The following ZNF91 variants were observed in gnomAD, a reference collection of about 807,000 sequenced individuals.
ZNF91 encodes zinc finger protein 91 (HPF7, HTF10).
Under a neutral mutation model 12.6 loss-of-function variants are expected in ZNF91, and 7 were observed. The observed-to-expected ratio is 0.55, with a 90% CI of 0.31 to 1.04. The LOEUF is 1.04. Ranked by LOEUF, ZNF91 falls within the 50% of genes least tolerant of loss-of-function variation. The pLI, the probability that ZNF91 is intolerant of heterozygous loss-of-function variation, is 0.05. For missense variants in ZNF91, 1,217 were observed against 1,385.4 expected (o/e 0.88, Z 1.93); for synonymous variants, 453 against 462.6 (o/e 0.98, Z 0.27).
At chr19:23,314,211 G>C (rs426564), upstream of ZNF91, among the ~76,000 whole-genome samples, 51,377 of 151,988 alleles carry the variant, frequency 0.34, 9,953 homozygotes, top group African/African-American at 0.54. Flanking sequence ...TAGATTCTGC[G>C]AACAGGGGGA....
intron 1 of ZNF91, among the ~76,000 whole-genome samples, chr19:23,317,883 T>C (rs1467377149): frequency 6.6e-6 from 1 of 152,202 alleles, no homozygotes; most frequent in African/African-American, 2.4e-5. Flanking sequence ...CTCCCATACT[T>C]AGAATTGGGT....
At chr19:23,340,949 T>G (rs1253305124) in intron 3 of ZNF91, among the ~76,000 whole-genome samples, 9 of 151,656 alleles carry the variant, frequency 5.9e-5, no homozygotes, top group African/African-American at 2.2e-4. Context: ...AGAATTCTAT[T>G]GACAATTGAG....
rs576328885 is a variant in ZNF91, at chr19:23,359,379, C to T, written c.*24G>A. On this transcript the variant is annotated 3_prime_UTR_variant, in exon 4 of 4. Transcript: ENST00000300619. ...CTGGGACTACAGGCGCCCGCCACCACGCCCGGCTAATTTTTTGTATTTTTT... is the reference window on the plus strand; with the variant it reads ...CTGGGACTACAGGCGCCCGCCACCATGCCCGGCTAATTTTTTGTATTTTTT... The T allele has an allele frequency of 7.7e-5, 63 of 820,890 alleles. No individual in the cohort carries two copies. Among genetic ancestry groups the T allele is most frequent in the South Asian group, 7.6e-4 (44 of 57,914 alleles). The allele number at this position is 820,890 out of a possible 1,614,324, so 50.9% of individuals were successfully genotyped here. A position where few individuals can be genotyped will look rare whatever the true frequency, so the allele number is the denominator to read the frequency against.
intron 1 of ZNF91, among the ~76,000 whole-genome samples, chr19:23,387,550 A>G (rs1034179750): frequency 1.3e-5 from 2 of 152,048 alleles, no homozygotes; most frequent in African/African-American, 4.8e-5. Context: ...AATCCCATCT[A>G]TAAAAATGCA....
intron 1 of ZNF91, chr19:23,323,860 T>C (rs1967778377): frequency 7.8e-6 from 1 of 128,526 alleles, no homozygotes; most frequent in African/African-American, 3.4e-5. Context: ...CTCCTCCTAT[T>C]CTTCTCCTCT....
chr19:23,374,079 A>G (rs904753379), intron 2 of ZNF91, among the ~76,000 whole-genome samples: 6 of 152,290 alleles, frequency 3.9e-5, no homozygotes, highest in African/African-American at 7.2e-5. Flanking sequence ...TGTGAGTAAC[A>G]GTATTTTATG....
At chr19:23,338,051 A>G (rs1374753754), downstream of ZNF91, 2 of 152,150 alleles carry the variant, frequency 1.3e-5, no homozygotes, top group Admixed American at 1.3e-4. Context: ...GAGGAAGAAA[A>G]AACATCAAAA....
intron 1 of ZNF91, among the ~76,000 whole-genome samples, chr19:23,323,449 TCTC>T (rs1262418783): frequency 3.3e-5 from 5 of 150,406 alleles, no homozygotes; most frequent in Non-Finnish European, 5.9e-5. Context: ...TTTCCTTTTT[TCTC>T]CTCTACTTCT....
chr19:23,368,393 T>TA (rs1969103880), intron 3 of ZNF91, among the ~76,000 whole-genome samples: 1 of 151,838 alleles, frequency 6.6e-6, no homozygotes, highest in East Asian at 2.0e-4. Context: ...CACGTGCCTG[T>TA]AGTCTCAGCT....
At chr19:23,373,528 T>G (rs1162857215) in intron 3 of ZNF91, among the ~76,000 whole-genome samples, 1 of 152,010 alleles carries the variant, frequency 6.6e-6, no homozygotes. Context: ...TGGCTGTCAC[T>G]GTAAACTTGA....
upstream of ZNF91, among the ~76,000 whole-genome samples, chr19:23,313,946 T>C (rs1220832083): frequency 6.6e-6 from 1 of 152,132 alleles, no homozygotes; most frequent in Non-Finnish European, 1.5e-5. Flanking sequence ...ACGTGTAGGA[T>C]CTTTAATCTT....
At chr19:23,334,182 T>TA (rs1217870755), downstream of ZNF91, among the ~76,000 whole-genome samples, 5 of 152,192 alleles carry the variant, frequency 3.3e-5, no homozygotes, top group African/African-American at 1.2e-4. Flanking sequence ...TATTAAAATA[T>TA]AAGGCTTATT....
intron 1 of ZNF91, among the ~76,000 whole-genome samples, chr19:23,380,151 C>G (rs1969650658): frequency 6.6e-6 from 1 of 151,248 alleles, no homozygotes; most frequent in Non-Finnish European, 1.5e-5. Context: ...TCCAAGCACT[C>G]AGGAGGCTGA....
intron 3 of ZNF91, among the ~76,000 whole-genome samples, chr19:23,343,504 A>G (rs1341048508): frequency 6.6e-6 from 1 of 152,268 alleles, no homozygotes. Context: ...GATGTAAGAA[A>G]AATGGATGTG....
At chr19:23,376,613 T>C (rs1276618915) in intron 1 of ZNF91, among the ~76,000 whole-genome samples, 1 of 152,146 alleles carries the variant, frequency 6.6e-6, no homozygotes, top group Admixed American at 6.6e-5. Context: ...GGTCTCAAAC[T>C]GCCAACCTCA....
intron 1 of ZNF91, among the ~76,000 whole-genome samples, chr19:23,331,973 G>A (rs1967935158): frequency 6.6e-6 from 1 of 152,166 alleles, no homozygotes. Context: ...CAGAAATCCA[G>A]TCCTAACCAG....
chr19:23,383,981 G>A (rs190577167), intron 1 of ZNF91, among the ~76,000 whole-genome samples: 32 of 152,156 alleles, frequency 2.1e-4, no homozygotes, highest in African/African-American at 6.7e-4. Context: ...GTGGTGTCAC[G>A]TGCCTGTAAT....
chr19:23,370,535 A>T (rs555167583), intron 3 of ZNF91, among the ~76,000 whole-genome samples: 19 of 152,294 alleles, frequency 1.2e-4, no homozygotes, highest in African/African-American at 4.6e-4. Context: ...CAGGGTCTCA[A>T]TCTGTCACAC....
chr19:23,316,174 T>TG (rs1241482282), intron 1 of ZNF91, among the ~76,000 whole-genome samples: 1 of 151,804 alleles, frequency 6.6e-6, no homozygotes, highest in Non-Finnish European at 1.5e-5. Context: ...TGATTTTTTT[T>TG]TTTTTTTTGC....
Sources: allele counts gnomAD v4.1 joint callset (sites outside exome capture counted in the v4.1 genomes callset), GRCh38; gene constraint gnomAD v4.1.1; transcripts MANE v1.5; gene names NCBI Gene and HGNC (gene_info 2026-07-23, HGNC 2026-07-21).